The following TLCD3B variants were observed in gnomAD, a reference collection of about 807,000 sequenced individuals.
TLCD3B encodes ceramide synthase.
Under a neutral mutation model 23.0 loss-of-function variants are expected in TLCD3B, and 9 were observed. The observed-to-expected ratio is 0.39, with a 90% CI of 0.24 to 0.68. TLCD3B has a LOEUF of 0.68. Ranked by LOEUF, TLCD3B falls within the 30% of genes least tolerant of loss-of-function variation. The probability of loss-of-function intolerance (pLI) is 0.44; values close to 1 mark genes in which losing one functional copy is unlikely to be tolerated. For synonymous variants in TLCD3B, 161 were observed against 161.0 expected (o/e 1.00, Z 0.00); for missense variants, 307 against 371.8 (o/e 0.83, Z 1.43).
intron 2 of TLCD3B, among the ~76,000 whole-genome samples, chr16:30,045,710 G>T (rs2071662832): frequency 6.9e-6 from 1 of 144,248 alleles, no homozygotes; most frequent in South Asian, 2.3e-4. Flanking sequence ...TGTGTGTGTT[G>T]TGTGTGTTTG....
chr16:30,040,147 A>AAAAAAAAAAAT, intron 3 of TLCD3B, among the ~76,000 whole-genome samples: 24 of 95,904 alleles, frequency 2.5e-4, no homozygotes, highest in African/African-American at 9.5e-4. Flanking sequence ...AAAAAAAAAA[A>AAAAAAAAAAAT]ATATATATAT....
chr16:30,027,413 G>A (rs994505898), intron 2 of TLCD3B, among the ~76,000 whole-genome samples: 2 of 152,210 alleles, frequency 1.3e-5, no homozygotes, highest in Non-Finnish European at 2.9e-5. Flanking sequence ...TCACAGAGGG[G>A]CTAGGTAACC....
chr16:30,026,586 C>T, intron 3 of TLCD3B, 23 bp downstream of exon 3: 1 of 1,600,450 alleles, frequency 6.2e-7, no homozygotes, highest in Non-Finnish European at 8.5e-7. Flanking sequence ...CGCACCCCGC[C>T]CGCCCAGCTC....
chr16:30,040,202 G>T (rs151208213), intron 3 of TLCD3B, among the ~76,000 whole-genome samples: 81 of 146,856 alleles, frequency 5.5e-4, no homozygotes, highest in African/African-American at 2.1e-3. Flanking sequence ...TCTGAAACCA[G>T]GCAGCCTGCC....
chr16:30,029,871 G>T lies in TLCD3B; in HGVS notation c.126-356C>A, dbSNP rs147009869. Among the ~76,000 whole-genome samples, 1 of 152,192 alleles carries T rather than the reference G, an allele frequency of 6.6e-6. No individual in the cohort carries two copies. The highest frequency in any genetic ancestry group is 2.1e-4 in the South Asian group (1 of 4,834). Reference sequence around the variant, plus strand: ...TCTCCCCACGAGGGGAGCCTGGGCCGGTTCTTGCCCCGCTTAGCTGTCCAG... The same window carrying T: ...TCTCCCCACGAGGGGAGCCTGGGCCTGTTCTTGCCCCGCTTAGCTGTCCAG... On this transcript the variant is annotated intron_variant, in intron 1 of 4. Coordinates refer to ENST00000380495, the MANE Select transcript of TLCD3B (RefSeq NM_031478.6). The surrounding 1 kb of genome is among the most constrained non-coding windows in gnomAD (Gnocchi z 4.6).
chr16:30,053,011 C>G (rs891184339), upstream of TLCD3B: 1 of 152,374 alleles, frequency 6.6e-6, no homozygotes, highest in Non-Finnish European at 1.5e-5. Context: ...GGCGCAGAGC[C>G]GGTGACAGTT....
At chr16:30,040,345 C>A (rs1046662748) in intron 3 of TLCD3B, among the ~76,000 whole-genome samples, 1 of 151,868 alleles carries the variant, frequency 6.6e-6, no homozygotes, top group Non-Finnish European at 1.5e-5. Flanking sequence ...TGCCAGGCAC[C>A]AGGCTGAAAT....
At chr16:30,036,632 C>A in intron 3 of TLCD3B, 1 of 306,164 alleles carries the variant, frequency 3.3e-6, no homozygotes, top group Non-Finnish European at 6.3e-6. Flanking sequence ...AATGGCCCGC[C>A]AGTTGATACA....
At chr16:30,042,865 G>A (rs1220529391) in intron 2 of TLCD3B, among the ~76,000 whole-genome samples, 1 of 152,056 alleles carries the variant, frequency 6.6e-6, no homozygotes, top group Non-Finnish European at 1.5e-5. Context: ...TTGGGAGGCC[G>A]AGGTGGGTGG....
intron 2 of TLCD3B, among the ~76,000 whole-genome samples, chr16:30,046,022 A>T (rs1200965870): frequency 6.6e-6 from 1 of 152,048 alleles, no homozygotes; most frequent in African/African-American, 2.4e-5. Flanking sequence ...AGGTGAGAGG[A>T]TCGCTTGAGC....
At chr16:30,033,774 A>G (rs2071414264), upstream of TLCD3B, 1 of 152,126 alleles carries the variant, frequency 6.6e-6, no homozygotes, top group Non-Finnish European at 1.5e-5. Flanking sequence ...AGCCTGGCCA[A>G]CATGGTGAAA....
intron 2 of TLCD3B, among the ~76,000 whole-genome samples, chr16:30,028,632 C>T (rs1248381388): frequency 2.0e-5 from 3 of 152,164 alleles, no homozygotes; most frequent in Non-Finnish European, 4.4e-5. Context: ...ACAGAAGAGG[C>T]AACTCATCTT....
intron 2 of TLCD3B, among the ~76,000 whole-genome samples, chr16:30,028,955 C>T (rs539320906): frequency 5.3e-5 from 8 of 152,210 alleles, no homozygotes; most frequent in African/African-American, 9.6e-5. Context: ...CATCCCCTCC[C>T]GCACTGCCTG....
At chr16:30,027,276 C>T (rs763811169) in intron 2 of TLCD3B, 13 of 420,334 alleles carry the variant, frequency 3.1e-5, no homozygotes, top group East Asian at 7.2e-5. Flanking sequence ...CAGGGGTGGA[C>T]GCCCATTCCT....
At chr16:30,034,404 C>T (rs2071425366), upstream of TLCD3B, among the ~76,000 whole-genome samples, 2 of 109,796 alleles carry the variant, frequency 1.8e-5, no homozygotes, top group Non-Finnish European at 3.4e-5. Context: ...GAGACCCTGT[C>T]TCTACCAAAA....
rs1046470768 is a variant in TLCD3B, at chr16:30,024,442, T to A, written c.*741A>T. 1.4e-5 allele frequency: 9 copies of A among 660,008 alleles called. No homozygotes were observed. Among genetic ancestry groups the A allele is most frequent in the African/African-American group, 9.1e-5 (5 of 54,966 alleles). The allele number at this position is 660,008 out of a possible 1,614,324, so 40.9% of individuals were successfully genotyped here. ...AGGGCCTTGGTGGCGTTCACGCAGA[T>A]CGTCTTTTATTAGCGGTCTGTAAAG... On this transcript the variant is annotated 3_prime_UTR_variant, in exon 5 of 5. Transcript: ENST00000380495.
At chr16:30,027,176 G>T (rs1377332697) in intron 2 of TLCD3B, 1 of 480,730 alleles carries the variant, frequency 2.1e-6, no homozygotes, top group Non-Finnish European at 4.1e-6. Flanking sequence ...ACAGGCAGGT[G>T]GGACCTTGCC....
rs200499500 is a variant in TLCD3B at position 30,025,510 on chromosome 16, C to A, written c.541-43G>T. 7 of 1,604,828 alleles carry A rather than the reference C, an allele frequency of 4.4e-6. No homozygotes were observed. The South Asian group carries it at 7.8e-5, about 18-fold the overall frequency. On this transcript the variant is annotated intron_variant, in intron 4 of 4. Coordinates refer to ENST00000380495, the MANE Select transcript of TLCD3B (RefSeq NM_031478.6). This position sits in a 1 kb window ranked among gnomAD's most constrained non-coding sequence, Gnocchi z 4.1. ...CAGTGGCCACGGCAGCAGAAGGGCT[C>A]GGCCCCCCTTGGCCCTCTCCCTGCC...
chr16:30,051,275 T>G (rs1174021947), intron 1 of TLCD3B, among the ~76,000 whole-genome samples: 1 of 151,822 alleles, frequency 6.6e-6, no homozygotes, highest in African/African-American at 2.4e-5. Context: ...GGCTCACACC[T>G]GTAATCCCAG....
Sources: allele counts gnomAD v4.1 joint callset (sites outside exome capture counted in the v4.1 genomes callset), GRCh38; gene constraint gnomAD v4.1.1; non-coding constraint Gnocchi (gnomAD v3.1); transcripts MANE v1.5; gene names NCBI Gene and HGNC (gene_info 2026-07-23, HGNC 2026-07-21).